Variants in TFDP2 observed in about 807,000 individuals in gnomAD.
The protein encoded by TFDP2 is transcription factor Dp-2, also known as transcription factor Dp-2 (E2F dimerization partner 2).
In TFDP2, 17 loss-of-function variants were observed where a neutral mutation model predicts 59.3. That is an observed-to-expected ratio of 0.29 (90% confidence interval 0.20 to 0.43). The LOEUF (loss-of-function observed/expected upper bound fraction) is 0.43, where lower values mean the gene tolerates loss of function less well. Among genes scored for constraint, TFDP2 ranks in the 20% least tolerant of loss-of-function variants. TFDP2 has a pLI of 1.00. For synonymous variants in TFDP2, 180 were observed against 194.7 expected (o/e 0.92, Z 0.63); for missense variants, 391 against 528.8 (o/e 0.74, Z 2.56).
intron 8 of TFDP2, among the ~76,000 whole-genome samples, chr3:141,973,123 A>ATATTTT: frequency 2.9e-4 from 17 of 58,018 alleles, no homozygotes; most frequent in South Asian, 2.3e-3. Flanking sequence ...ATATATATAT[A>ATATTTT]TTTTTTTTTT....
At chr3:141,990,854 A>G (rs1942687722) in intron 6 of TFDP2, among the ~76,000 whole-genome samples, 1 of 152,120 alleles carries the variant, frequency 6.6e-6, no homozygotes, top group African/African-American at 2.4e-5. Context: ...TCAGGAGATC[A>G]AAACCATCCT....
At chr3:142,111,145 C>T (rs1268641095) in intron 1 of TFDP2, among the ~76,000 whole-genome samples, 2 of 151,796 alleles carry the variant, frequency 1.3e-5, no homozygotes, top group African/African-American at 4.8e-5. Context: ...TTCATAGAAA[C>T]AGGCTGGGTG....
chr3:142,110,662 T>C (rs1022053025), intron 1 of TFDP2, among the ~76,000 whole-genome samples: 1 of 151,884 alleles, frequency 6.6e-6, no homozygotes, highest in Non-Finnish European at 1.5e-5. Context: ...TTAAAAATAC[T>C]GAGCATTGGC....
intron 9 of TFDP2, among the ~76,000 whole-genome samples, chr3:141,968,771 C>A (rs1311381448): frequency 1.5e-5 from 1 of 65,578 alleles, no homozygotes. Flanking sequence ...ACATATATAT[C>A]TCATATATAG....
intron 3 of TFDP2, among the ~76,000 whole-genome samples, chr3:142,048,089 A>G (rs1947436856): frequency 6.6e-6 from 1 of 152,068 alleles, no homozygotes; most frequent in Non-Finnish European, 1.5e-5. Context: ...ATAAGCACAC[A>G]GAGAATATCA....
chr3:141,959,736 G>A lies in TFDP2; in HGVS notation c.989C>T (p.Ser330Phe). The stretch of plus-strand genomic sequence containing the variant: ...TTTCGCAAGTTTCAGATCCTCCAGA[G>A]AGCATTTGCCTGACTCCAGGCCAAA... ...MSFGLESGKC[S>F]LEDLKLAKSL... The change falls in exon 11 of 13, where the codon TCT (serine) becomes TTT (phenylalanine). Residue 330 changes from serine to phenylalanine, a missense_variant. By Grantham distance (155) the Ser-to-Phe change is radical (BLOSUM62 -2). Transcript: ENST00000489671. The A allele has an allele frequency of 6.2e-7, 1 of 1,614,120 alleles. No individual in the cohort carries two copies. The highest frequency in any genetic ancestry group is 8.5e-7 in the Non-Finnish European group (1 of 1,180,020).
At chr3:142,036,932 CTTT>C (rs1417303964) in intron 3 of TFDP2, among the ~76,000 whole-genome samples, 1 of 152,170 alleles carries the variant, frequency 6.6e-6, no homozygotes, top group Non-Finnish European at 1.5e-5. Flanking sequence ...TCCCCCTCTT[CTTT>C]GTCTCTTCAA....
At chr3:142,063,355 T>C (rs946171884) in intron 3 of TFDP2, among the ~76,000 whole-genome samples, 1 of 152,232 alleles carries the variant, frequency 6.6e-6, no homozygotes, top group Non-Finnish European at 1.5e-5. Flanking sequence ...ATAATTCTTG[T>C]ATATCAAGCA....
intron 3 of TFDP2, among the ~76,000 whole-genome samples, chr3:142,087,788 C>T (rs533230586): frequency 6.6e-6 from 1 of 152,308 alleles, no homozygotes; most frequent in African/African-American, 2.4e-5. Context: ...AGGCATGAGC[C>T]ATGGCACCCA....
At chr3:142,079,472 T>G (rs561610586) in intron 3 of TFDP2, among the ~76,000 whole-genome samples, 4 of 152,186 alleles carry the variant, frequency 2.6e-5, no homozygotes, top group African/African-American at 9.6e-5. Context: ...GGTAAAAAGT[T>G]TATTCAAAGA....
chr3:142,080,273 T>C (rs772996145), intron 3 of TFDP2, among the ~76,000 whole-genome samples: 2 of 152,136 alleles, frequency 1.3e-5, no homozygotes, highest in African/African-American at 4.8e-5. Context: ...CCAGTTATCA[T>C]CTGTTTAAAA....
intron 6 of TFDP2, among the ~76,000 whole-genome samples, chr3:141,987,584 G>A (rs1259413726): frequency 2.3e-5 from 3 of 129,216 alleles, no homozygotes; most frequent in Admixed American, 7.4e-5. Context: ...CGCCTGGCGT[G>A]TGTGTGTGTG....
chr3:141,968,788 A>AT, intron 9 of TFDP2, among the ~76,000 whole-genome samples: 1 of 80,686 alleles, frequency 1.2e-5, no homozygotes, highest in East Asian at 2.7e-4. Context: ...ATAGATATAT[A>AT]TAACACATAT....
chr3:142,106,960 A>G (rs1007641511), intron 1 of TFDP2, among the ~76,000 whole-genome samples: 3 of 152,236 alleles, frequency 2.0e-5, no homozygotes, highest in Non-Finnish European at 4.4e-5. Flanking sequence ...CAGGATGTGT[A>G]GACTTTCTAA....
chr3:142,094,855 A>G (rs1050694013), intron 2 of TFDP2, among the ~76,000 whole-genome samples: 3 of 152,240 alleles, frequency 2.0e-5, no homozygotes, highest in Non-Finnish European at 4.4e-5. Context: ...ACAAGCACAC[A>G]ATACAGTACT....
intron 3 of TFDP2, among the ~76,000 whole-genome samples, chr3:142,020,953 C>G (rs1026504410): frequency 6.6e-6 from 1 of 151,568 alleles, no homozygotes; most frequent in African/African-American, 2.4e-5. Context: ...CCACTGCACT[C>G]CCATCTGGGT....
chr3:142,149,129 G>A, intron 1 of TFDP2, 54 bp downstream of exon 1: 1 of 397,868 alleles, frequency 2.5e-6, no homozygotes, highest in Middle Eastern at 6.3e-4. Flanking sequence ...AACGCGCCCG[G>A]CCGGGTCCAA....
At chr3:142,126,425 T>G (rs1296314488) in intron 1 of TFDP2, 2 of 152,098 alleles carry the variant, frequency 1.3e-5, no homozygotes, top group African/African-American at 4.8e-5. Context: ...GAGCCTCCTA[T>G]TCTTTGTTAT....
At chr3:142,039,249 AT>A (rs1946842014) in intron 3 of TFDP2, among the ~76,000 whole-genome samples, 1 of 151,790 alleles carries the variant, frequency 6.6e-6, no homozygotes, top group Non-Finnish European at 1.5e-5. Flanking sequence ...CTGCTGCCCT[AT>A]TTTTTCTTAC....
Sources: allele counts gnomAD v4.1 joint callset (sites outside exome capture counted in the v4.1 genomes callset), GRCh38; gene constraint gnomAD v4.1.1; transcripts MANE v1.5; gene names NCBI Gene and HGNC (gene_info 2026-07-23, HGNC 2026-07-21).